MAN1A1: variants seen among roughly 807,000 people sequenced by gnomAD.
MAN1A1 encodes the protein mannosyl-oligosaccharide 1,2-alpha-mannosidase IA.
A neutral mutation model predicts 70.8 loss-of-function variants in MAN1A1; 29 were observed. The ratio of observed to expected loss-of-function variants is 0.41; its 90% CI spans 0.31 to 0.56. The LOEUF (loss-of-function observed/expected upper bound fraction) is 0.56, where lower values mean the gene tolerates loss of function less well. Ranked by LOEUF, MAN1A1 falls within the 20% of genes least tolerant of loss-of-function variation. The probability of loss-of-function intolerance (pLI) is 0.29; values close to 1 mark genes in which losing one functional copy is unlikely to be tolerated. For missense variants in MAN1A1, 747 were observed against 841.3 expected (o/e 0.89, Z 1.39); for synonymous variants, 349 against 330.1 (o/e 1.06, Z -0.62).
At chr6:119,346,994 G>C (rs1405058978) in intron 2 of MAN1A1, among the ~76,000 whole-genome samples, 2 of 152,200 alleles carry the variant, frequency 1.3e-5, no homozygotes, top group Admixed American at 6.5e-5. Context: ...CATGGAGAAA[G>C]GAAACTGCTA....
intron 2 of MAN1A1, among the ~76,000 whole-genome samples, chr6:119,340,789 AC>A: frequency 6.6e-6 from 1 of 152,358 alleles, no homozygotes; most frequent in East Asian, 1.9e-4. Context: ...CTAATTAGTG[AC>A]CCACATAAAA....
intron 2 of MAN1A1, among the ~76,000 whole-genome samples, chr6:119,318,919 T>C (rs1772926313): frequency 6.6e-6 from 1 of 152,232 alleles, no homozygotes; most frequent in South Asian, 2.1e-4. Flanking sequence ...AATAATTTCA[T>C]TTTGTGTTAC....
intron 5 of MAN1A1, among the ~76,000 whole-genome samples, chr6:119,268,473 A>G (rs895799457): frequency 1.3e-5 from 2 of 152,004 alleles, no homozygotes; most frequent in Non-Finnish European, 2.9e-5. Context: ...AGAGTATAGG[A>G]TAAGGTGGGA....
At chr6:119,294,538 C>T (rs1772145768) in intron 4 of MAN1A1, among the ~76,000 whole-genome samples, 2 of 152,020 alleles carry the variant, frequency 1.3e-5, no homozygotes, top group Non-Finnish European at 2.9e-5. Context: ...TTCCAGTATG[C>T]CCCATGTATT....
chr6:119,336,511 C>T (rs957913943), intron 2 of MAN1A1, among the ~76,000 whole-genome samples: 1 of 152,164 alleles, frequency 6.6e-6, no homozygotes, highest in Non-Finnish European at 1.5e-5. Context: ...TAATAGTCAT[C>T]TGTAGAATAA....
intron 2 of MAN1A1, chr6:119,327,387 TTTTG>T (rs1171029778): frequency 0.073 from 5,802 of 79,004 alleles, 367 homozygotes; most frequent in Non-Finnish European, 0.092. Flanking sequence ...CGTTTTTTTT[TTTTG>T]TTTTTTTTTT....
intron 6 of MAN1A1, among the ~76,000 whole-genome samples, chr6:119,217,908 T>G (rs1417772130): frequency 1.3e-5 from 2 of 152,216 alleles, no homozygotes; most frequent in East Asian, 3.8e-4. Context: ...GCAACATGCC[T>G]GTTTCAATTA....
At chr6:119,332,440 A>T (rs1251288336) in intron 2 of MAN1A1, among the ~76,000 whole-genome samples, 1 of 152,220 alleles carries the variant, frequency 6.6e-6, no homozygotes, top group East Asian at 1.9e-4. Flanking sequence ...AAACCTAGAG[A>T]AAAAGAGAAA....
intron 5 of MAN1A1, among the ~76,000 whole-genome samples, chr6:119,252,590 G>A (rs568370402): frequency 1.6e-3 from 236 of 152,144 alleles, no homozygotes; most frequent in Non-Finnish European, 2.9e-3. Context: ...TCAAGAGATC[G>A]AGATTATCCT....
In MAN1A1 at chr6:119,302,246, G is replaced by C. The variant is rs2114441627; in HGVS notation, c.701-143C>G. On this transcript the variant is annotated intron_variant, in intron 3 of 12. Transcript: ENST00000368468. ...AAACATAGTCTAAAATTCTTTCAAT[G>C]AAAGTATAAAACAGCACCAAACTAA... is the stretch of plus-strand genomic sequence containing the variant. 7.9e-6 allele frequency: 4 copies of C among 504,106 alleles called. No individual in the cohort carries two copies. In the South Asian group the frequency reaches 1.6e-4, roughly 20 times the overall value. 31.2% of individuals were successfully genotyped at this position (504,106 alleles called of 1,614,324 possible).
chr6:119,345,507 A>G (rs1015470794), intron 2 of MAN1A1, among the ~76,000 whole-genome samples: 5 of 152,210 alleles, frequency 3.3e-5, no homozygotes, highest in African/African-American at 1.2e-4. Context: ...TCATCCATCA[A>G]ATCAGTAGTG....
intron 2 of MAN1A1, among the ~76,000 whole-genome samples, chr6:119,328,174 C>A (rs930407712): frequency 6.6e-6 from 1 of 152,202 alleles, no homozygotes; most frequent in Non-Finnish European, 1.5e-5. Context: ...AAACACACCA[C>A]ACAACATGCC....
intron 2 of MAN1A1, among the ~76,000 whole-genome samples, chr6:119,313,704 A>G (rs1250340911): frequency 1.3e-5 from 2 of 152,132 alleles, no homozygotes; most frequent in African/African-American, 2.4e-5. Flanking sequence ...AATTTAACTG[A>G]AAGTGCTATA....
chr6:119,342,656 T>C (rs865800036), intron 2 of MAN1A1, among the ~76,000 whole-genome samples: 3 of 152,190 alleles, frequency 2.0e-5, no homozygotes, highest in South Asian at 2.1e-4. Flanking sequence ...CAGAGACAGG[T>C]AAGTGCATCC....
intron 6 of MAN1A1, among the ~76,000 whole-genome samples, chr6:119,218,961 A>G (rs1774282184): frequency 6.6e-6 from 1 of 152,120 alleles, no homozygotes; most frequent in Non-Finnish European, 1.5e-5. Context: ...GATCTTTAGA[A>G]GTTTGGTGAT....
intron 9 of MAN1A1, among the ~76,000 whole-genome samples, chr6:119,190,890 G>A (rs1773422727): frequency 6.6e-6 from 1 of 152,092 alleles, no homozygotes. Flanking sequence ...TCTCCCCACT[G>A]CCCCACAATT....
At position 119,188,405 on chromosome 6, in the gene MAN1A1, C is replaced by T; in HGVS notation, c.1719G>A (p.Glu573=). ...KYRKWAWEAV[E]ALENHCRVNG... The stretch of plus-strand genomic sequence containing the variant: ...AGAAACATGCAAATTAAAACATCAC[C>T]TCTACGGCTTCCCAGGCCCATTTCC... The change falls in exon 11 of 13, where the codon GAG becomes GAA. Residue 573 remains glutamate (E), a splice_region_variant and synonymous_variant. Coordinates refer to ENST00000368468, the MANE Select transcript of MAN1A1 (RefSeq NM_005907.4). The T allele has an allele frequency of 6.2e-7, 1 of 1,603,458 alleles. No individual in the cohort carries two copies. The highest frequency in any genetic ancestry group is 8.5e-7 in the Non-Finnish European group (1 of 1,176,722).
intron 6 of MAN1A1, among the ~76,000 whole-genome samples, chr6:119,237,613 T>A (rs1188584025): frequency 6.6e-6 from 1 of 152,206 alleles, no homozygotes; most frequent in Non-Finnish European, 1.5e-5. Context: ...GGCCCCTTGA[T>A]GATTTCAGGA....
At chr6:119,302,750 G>A (rs1030798815) in intron 3 of MAN1A1, among the ~76,000 whole-genome samples, 1 of 152,154 alleles carries the variant, frequency 6.6e-6, no homozygotes, top group Non-Finnish European at 1.5e-5. Flanking sequence ...TAAGACTGAT[G>A]TAATTACATC....
Sources: allele counts gnomAD v4.1 joint callset (sites outside exome capture counted in the v4.1 genomes callset), GRCh38; gene constraint gnomAD v4.1.1; transcripts MANE v1.5; gene names NCBI Gene and HGNC (gene_info 2026-07-23, HGNC 2026-07-21).